ARMH4: variants seen among roughly 807,000 people sequenced by gnomAD.
ARMH4 encodes the protein armadillo like helical domain containing 4.
A neutral mutation model predicts 61.9 loss-of-function variants in ARMH4; 49 were observed. That is an observed-to-expected ratio of 0.79 (90% confidence interval 0.63 to 1.00). The LOEUF (loss-of-function observed/expected upper bound fraction) is 1.00, where lower values mean the gene tolerates loss of function less well. ARMH4 is among the 50% of genes least tolerant of loss of function. ARMH4 has a pLI of 0.00. For synonymous variants in ARMH4, 368 were observed against 341.5 expected (o/e 1.08, Z -0.85); for missense variants, 934 against 930.0 (o/e 1.00, Z -0.06).
chr14:58,133,302 G>A lies in ARMH4; in HGVS notation c.1409C>T (p.Pro470Leu). The part of the protein sequence containing the change: ...TQEMTTAVQE[P>L]DATLSMVTQE... ...TGTCACCATGGATAAAGTGGCATCT[G>A]GCTCTTGAACAGCTGTTGTCATCTC... Residue 470 changes from proline (P) to leucine (L), a missense_variant, in exon 3 of 8, where the codon CCA (proline) becomes CTA (leucine). By Grantham distance (98) the Pro-to-Leu change is moderately conservative. Coordinates refer to ENST00000267485, the MANE Select transcript of ARMH4 (RefSeq NM_001001872.4). 1.2e-6 allele frequency: 2 copies of A among 1,613,868 alleles called. No homozygotes were observed. Among genetic ancestry groups the A allele is most frequent in the Non-Finnish European group, 1.7e-6 (2 of 1,179,982 alleles).
intron 4 of ARMH4, among the ~76,000 whole-genome samples, chr14:58,102,522 A>C (rs2141273568): frequency 6.6e-6 from 1 of 152,298 alleles, no homozygotes; most frequent in East Asian, 1.9e-4. Context: ...TCCTTATAAG[A>C]GTAAGGCGGC....
At chr14:58,025,546 A>G (rs1317022586) in intron 5 of ARMH4, among the ~76,000 whole-genome samples, 1 of 152,232 alleles carries the variant, frequency 6.6e-6, no homozygotes, top group African/African-American at 2.4e-5. Flanking sequence ...TCTCAATTAC[A>G]GTATTTCTAC....
At chr14:58,106,096 T>C (rs567477016) in intron 4 of ARMH4, among the ~76,000 whole-genome samples, 30 of 152,334 alleles carry the variant, frequency 2.0e-4, no homozygotes, top group Non-Finnish European at 1.5e-5. Context: ...TAATCCACAT[T>C]ATGAAAAATT....
chr14:58,136,975 T>C (rs909680238), intron 2 of ARMH4, among the ~76,000 whole-genome samples: 2 of 152,238 alleles, frequency 1.3e-5, no homozygotes, highest in African/African-American at 4.8e-5. Flanking sequence ...CTGCAGTACT[T>C]ACCTAAAGCT....
chr14:58,119,164 A>C (rs1275448321), intron 4 of ARMH4, among the ~76,000 whole-genome samples: 1 of 152,206 alleles, frequency 6.6e-6, no homozygotes, highest in African/African-American at 2.4e-5. Flanking sequence ...TAATTTTTAA[A>C]TCTTGTAAGG....
At chr14:58,032,719 G>T (rs990467344) in intron 5 of ARMH4, among the ~76,000 whole-genome samples, 24 of 151,658 alleles carry the variant, frequency 1.6e-4, no homozygotes, top group East Asian at 1.2e-3. Context: ...CCGAAGCAGG[G>T]TGAGGCATTG....
At chr14:58,061,309 C>A (rs1884523733) in intron 5 of ARMH4, among the ~76,000 whole-genome samples, 1 of 152,150 alleles carries the variant, frequency 6.6e-6, no homozygotes, top group East Asian at 1.9e-4. Flanking sequence ...GTGATCTTGA[C>A]ACCCCACCCA....
chr14:58,141,255 A>C lies in ARMH4; in HGVS notation c.-56-1841T>G, dbSNP rs1041842597. On this transcript the variant is annotated intron_variant, in intron 1 of 7. Transcript: ENST00000267485. ...GTCTTTTAGCTCTTTTTCTTCAGCG[A>C]GGCGGCCGGGCTGCAGACGCAGAGA... The C allele has an allele frequency of 4.0e-5, 12 of 301,254 alleles. No homozygotes were observed. The Admixed American group carries it at 5.3e-4, about 13-fold the overall frequency. The allele number at this position is 301,254 out of a possible 1,614,324, so 18.7% of individuals were successfully genotyped here. A position where few individuals can be genotyped will look rare whatever the true frequency, so the allele number is the denominator to read the frequency against.
At chr14:58,148,780 C>T (rs1361070566) in intron 1 of ARMH4, among the ~76,000 whole-genome samples, 1 of 151,886 alleles carries the variant, frequency 6.6e-6, no homozygotes, top group Non-Finnish European at 1.5e-5. Context: ...ATTTAACTGT[C>T]ACTCTAACAA....
chr14:58,049,153 G>A (rs139175682), intron 5 of ARMH4, among the ~76,000 whole-genome samples: 1,849 of 151,524 alleles, frequency 0.012, 12 homozygotes, highest in African/African-American at 0.02. Flanking sequence ...GCAGGAGAAC[G>A]GTGTGAACCC....
intron 2 of ARMH4, among the ~76,000 whole-genome samples, chr14:58,135,444 T>G (rs1055564501): frequency 6.6e-6 from 1 of 152,222 alleles, no homozygotes; most frequent in Non-Finnish European, 1.5e-5. Context: ...TGAACACTTT[T>G]GAGAACATAT....
intron 5 of ARMH4, among the ~76,000 whole-genome samples, chr14:58,016,509 C>G (rs1237998641): frequency 6.6e-6 from 1 of 152,056 alleles, no homozygotes; most frequent in Non-Finnish European, 1.5e-5. Flanking sequence ...GTCTTTTATT[C>G]TCTGTATTTT....
At chr14:58,142,166 A>T (rs1229326184) in intron 1 of ARMH4, among the ~76,000 whole-genome samples, 1 of 152,212 alleles carries the variant, frequency 6.6e-6, no homozygotes, top group Non-Finnish European at 1.5e-5. Flanking sequence ...TTGAAACTAA[A>T]ATTCTAAAAT....
chr14:58,105,613 G>A (rs1313684940), intron 4 of ARMH4, among the ~76,000 whole-genome samples: 2 of 151,888 alleles, frequency 1.3e-5, no homozygotes, highest in Non-Finnish European at 2.9e-5. Context: ...CTTGAACCCA[G>A]GGGGCAGAGG....
At position 58,131,534 on chromosome 14, in the gene ARMH4, G is replaced by C. The variant is rs45483691; in HGVS notation, c.1809C>G (p.Gly603=). The change falls in exon 4 of 8, where the codon GGC becomes GGG. Residue 603 remains glycine (G), a synonymous_variant. Coordinates refer to ENST00000267485, the MANE Select transcript of ARMH4 (RefSeq NM_001001872.4). Reference sequence around the variant, plus strand: ...TACCTTCAGATTCAAGTTGGTCCAGGCCATATGAGGCAGCTGTATTAACAC... The same window carrying C: ...TACCTTCAGATTCAAGTTGGTCCAGCCCATATGAGGCAGCTGTATTAACAC... The part of the protein sequence containing the change: ...ITRVNTAASY[G]LDQLESEEGQ... 50,385 of 1,613,820 alleles carry C rather than the reference G, an allele frequency of 0.031. 1,087 individuals carry two copies. The highest frequency in any genetic ancestry group is 0.11 in the African/African-American group (8,148 of 74,992).
intron 5 of ARMH4, 55 bp from the exon 6 acceptor site, chr14:58,012,205 T>A: frequency 9.5e-7 from 1 of 1,049,944 alleles, no homozygotes; most frequent in Non-Finnish European, 1.4e-6. Context: ...TTATAATTCA[T>A]GGCATTAAGT....
At chr14:58,055,383 A>G (rs1884314030) in intron 5 of ARMH4, among the ~76,000 whole-genome samples, 1 of 152,222 alleles carries the variant, frequency 6.6e-6, no homozygotes, top group Non-Finnish European at 1.5e-5. Context: ...TCAAAGGCTT[A>G]TGGAGTACAC....
At chr14:58,045,450 C>T (rs928675775) in intron 5 of ARMH4, among the ~76,000 whole-genome samples, 7 of 151,950 alleles carry the variant, frequency 4.6e-5, no homozygotes, top group African/African-American at 9.7e-5. Flanking sequence ...CATCACACAC[C>T]GGGCCCTGTT....
intron 5 of ARMH4, among the ~76,000 whole-genome samples, chr14:58,078,395 T>A (rs1056022918): frequency 6.6e-6 from 1 of 152,244 alleles, no homozygotes; most frequent in African/African-American, 2.4e-5. Context: ...TGTACAATCA[T>A]GTACTGTCTC....
Sources: allele counts gnomAD v4.1 joint callset (sites outside exome capture counted in the v4.1 genomes callset), GRCh38; gene constraint gnomAD v4.1.1; transcripts MANE v1.5; gene names NCBI Gene and HGNC (gene_info 2026-07-23, HGNC 2026-07-21).